The following MTUS2 variants were observed in gnomAD, a reference collection of about 807,000 sequenced individuals.
MTUS2 encodes microtubule associated scaffold protein 2.
MTUS2 carries 40 observed loss-of-function variants against 114.1 expected under a neutral mutation model. The ratio of observed to expected loss-of-function variants is 0.35; its 90% CI spans 0.27 to 0.46. MTUS2 has a LOEUF of 0.46. MTUS2 is among the 20% of genes least tolerant of loss of function. MTUS2 has a pLI of 1.00. For missense variants in MTUS2, 1,679 were observed against 1,705.4 expected, an observed-to-expected ratio of 0.98 and a Z score of 0.27; for synonymous variants, 688 against 672.0, an observed-to-expected ratio of 1.02 and a Z score of -0.37.
intron 5 of MTUS2, among the ~76,000 whole-genome samples, chr13:29,149,408 T>C (rs1892575795): frequency 6.6e-6 from 1 of 152,372 alleles, no homozygotes; most frequent in African/African-American, 2.4e-5. Context: ...AAGTTCCTTG[T>C]AGATACTGGA....
At chr13:29,298,475 A>T (rs1010903929) in intron 6 of MTUS2, among the ~76,000 whole-genome samples, 45 of 152,216 alleles carry the variant, frequency 3.0e-4, no homozygotes, top group African/African-American at 1.1e-3. Context: ...GCTTGTTAAC[A>T]TCATCAAAAT....
At chr13:29,500,812 CACA>C (rs1189992784) in intron 14 of MTUS2, among the ~76,000 whole-genome samples, 1 of 133,314 alleles carries the variant, frequency 7.5e-6, no homozygotes, top group African/African-American at 2.6e-5. Flanking sequence ...CACACACACA[CACA>C]CACACACACA....
At chr13:29,208,399 C>G (rs186306345) in intron 5 of MTUS2, among the ~76,000 whole-genome samples, 2 of 151,754 alleles carry the variant, frequency 1.3e-5, no homozygotes, top group African/African-American at 4.8e-5. Flanking sequence ...TTTCTTTTAT[C>G]TTTTGTTTAT....
chr13:29,058,936 G>A (rs190425736), intron 4 of MTUS2, among the ~76,000 whole-genome samples: 1 of 152,096 alleles, frequency 6.6e-6, no homozygotes, highest in Admixed American at 6.5e-5. Flanking sequence ...TTCTTAAAAT[G>A]GCCATTTCAT....
chr13:29,466,884 A>AG (rs1297034709), intron 9 of MTUS2, among the ~76,000 whole-genome samples: 1 of 151,744 alleles, frequency 6.6e-6, no homozygotes, highest in East Asian at 1.9e-4. Context: ...CTCAAAAAAA[A>AG]AAAAAAAAAA....
chr13:28,983,083 G>C (rs4769654), intron 2 of MTUS2, among the ~76,000 whole-genome samples: 4 of 152,058 alleles, frequency 2.6e-5, no homozygotes, highest in Admixed American at 2.6e-4. Context: ...AATTCAAGGG[G>C]TGTGAGCTAA....
chr13:29,165,857 C>T (rs554908940), intron 5 of MTUS2, among the ~76,000 whole-genome samples: 2 of 152,182 alleles, frequency 1.3e-5, no homozygotes, highest in East Asian at 3.9e-4. Context: ...TGAATTTCCA[C>T]AAAATTGATG....
intron 8 of MTUS2, among the ~76,000 whole-genome samples, chr13:29,424,084 C>T (rs1014332510): frequency 2.0e-5 from 3 of 150,738 alleles, no homozygotes; most frequent in Non-Finnish European, 4.4e-5. Context: ...CTGGGCTGGT[C>T]TCAAACTCCT....
chr13:28,848,627 ATTAACTT>A (rs1876041330), intron 2 of MTUS2, among the ~76,000 whole-genome samples: 1 of 152,064 alleles, frequency 6.6e-6, no homozygotes, highest in African/African-American at 2.4e-5. Context: ...TTCAAAGAAA[ATTAACTT>A]AGAAGAGTCT....
At chr13:28,963,569 A>AGT (rs1213473326) in intron 2 of MTUS2, among the ~76,000 whole-genome samples, 4 of 152,080 alleles carry the variant, frequency 2.6e-5, no homozygotes, top group East Asian at 1.9e-4. Flanking sequence ...TGTGTATGAG[A>AGT]GTGTGTGTGT....
intron 4 of MTUS2, among the ~76,000 whole-genome samples, chr13:29,061,394 AT>A (rs969735119): frequency 1.3e-5 from 2 of 152,132 alleles, no homozygotes; most frequent in African/African-American, 4.8e-5. Flanking sequence ...AGTTCTGGGA[AT>A]TGTTTATCTT....
intron 8 of MTUS2, chr13:29,428,566 C>A (rs1181704267): frequency 1.1e-5 from 8 of 740,688 alleles, no homozygotes; most frequent in Non-Finnish European, 1.6e-5. Context: ...GCAAAGTGAC[C>A]CTCCCTCCTG....
intron 2 of MTUS2, among the ~76,000 whole-genome samples, chr13:28,845,894 G>A (rs1875846354): frequency 6.6e-6 from 1 of 151,814 alleles, no homozygotes; most frequent in Admixed American, 6.6e-5. Flanking sequence ...TGAGAAGGGA[G>A]AGCACTCAAT....
At chr13:28,888,174 G>A (rs963134476) in intron 2 of MTUS2, among the ~76,000 whole-genome samples, 1 of 152,134 alleles carries the variant, frequency 6.6e-6, no homozygotes, top group Non-Finnish European at 1.5e-5. Flanking sequence ...TTGTATATTT[G>A]TCTGAGTTCT....
intron 2 of MTUS2, among the ~76,000 whole-genome samples, chr13:28,841,928 G>A (rs1425401572): frequency 6.6e-6 from 1 of 152,136 alleles, no homozygotes; most frequent in Admixed American, 6.5e-5. Context: ...CTCATGATCT[G>A]CCCGCCTTGG....
intron 2 of MTUS2, among the ~76,000 whole-genome samples, chr13:28,963,400 T>A (rs759757955): frequency 2.0e-5 from 3 of 152,172 alleles, no homozygotes; most frequent in Non-Finnish European, 4.4e-5. Flanking sequence ...TATCTGCATA[T>A]GTGTAAATAA....
chr13:29,274,088 CTGTT>C lies in MTUS2; in HGVS notation c.2645-7610_2645-7607del, dbSNP rs1330734663. Among the ~76,000 whole-genome samples the C allele has an allele frequency of 7.2e-5, 11 of 151,768 alleles. No homozygotes were observed. In the East Asian group the frequency reaches 9.7e-4, roughly 13 times the overall value. On this transcript the variant is annotated intron_variant, in intron 5 of 15. Transcript: ENST00000612955. ...TGGTAACTCTATGGGGTTTTTTGTT[CTGTT>C]TGTTTTTTGTTTTGTTTGTTTGTTT...
intron 5 of MTUS2, among the ~76,000 whole-genome samples, chr13:29,131,931 T>C (rs1891781560): frequency 6.6e-6 from 1 of 152,256 alleles, no homozygotes; most frequent in Admixed American, 6.5e-5. Flanking sequence ...TAGCATTTAG[T>C]GCTGATTTCC....
At chr13:29,359,087 T>C (rs552834785) in intron 7 of MTUS2, among the ~76,000 whole-genome samples, 175 bp from the exon 8 acceptor site, 4 of 152,338 alleles carry the variant, frequency 2.6e-5, no homozygotes, top group African/African-American at 7.2e-5. Flanking sequence ...ACCACATTAA[T>C]GGAACAATAA....
Sources: gnomAD v4.1 joint callset for allele counts (sites outside exome capture counted in the v4.1 genomes callset) on GRCh38, gnomAD v4.1.1 for gene constraint, MANE v1.5 for transcripts, NCBI Gene and HGNC (gene_info 2026-07-23, HGNC 2026-07-21) for gene names.